The following PDE4D variants were observed in gnomAD, a reference collection of about 807,000 sequenced individuals.
The protein encoded by PDE4D is phosphodiesterase 4D, also known as 3',5'-cyclic-AMP phosphodiesterase 4D.
PDE4D carries 24 observed loss-of-function variants against 87.4 expected under a neutral mutation model. The ratio of observed to expected loss-of-function variants is 0.27; its 90% CI spans 0.20 to 0.39. The LOEUF (loss-of-function observed/expected upper bound fraction) is 0.39, where lower values mean the gene tolerates loss of function less well. PDE4D is among the 10% of genes least tolerant of loss of function. The pLI is 1.00. For missense variants in PDE4D, 714 were observed against 1,041.0 expected (o/e 0.69, Z 4.32); for synonymous variants, 384 against 383.2 (o/e 1.00, Z -0.02).
chr5:59,064,834 T>C (rs1334196101), intron 5 of PDE4D, among the ~76,000 whole-genome samples: 2 of 152,052 alleles, frequency 1.3e-5, no homozygotes, highest in East Asian at 3.9e-4. Flanking sequence ...TAGCCTGACT[T>C]CCAAAAGTAA....
chr5:60,019,649 C>T (rs905200995), intron 2 of PDE4D, among the ~76,000 whole-genome samples: 6 of 152,176 alleles, frequency 3.9e-5, no homozygotes, highest in African/African-American at 1.4e-4. Context: ...TTTTCTCCTT[C>T]AGCTTCCTCA....
At chr5:58,980,472 T>C (rs928061917) in intron 11 of PDE4D, among the ~76,000 whole-genome samples, 2 of 152,200 alleles carry the variant, frequency 1.3e-5, no homozygotes, top group African/African-American at 4.8e-5. Flanking sequence ...CACACATTTA[T>C]AAAGACAACT....
intron 1 of PDE4D, among the ~76,000 whole-genome samples, chr5:59,734,825 G>A (rs753352509): frequency 3.9e-5 from 6 of 152,146 alleles, no homozygotes; most frequent in Middle Eastern, 3.2e-3. Flanking sequence ...ACCTGAGTGA[G>A]TCCAGTCACG....
chr5:59,465,973 T>C (rs926442111), intron 1 of PDE4D, among the ~76,000 whole-genome samples: 1 of 152,220 alleles, frequency 6.6e-6, no homozygotes, highest in Non-Finnish European at 1.5e-5. Context: ...GTTTTGTTTT[T>C]TTAGAATTTT....
chr5:60,393,238 C>T (rs749196644), intron 1 of PDE4D, among the ~76,000 whole-genome samples: 5 of 152,130 alleles, frequency 3.3e-5, no homozygotes, highest in African/African-American at 4.8e-5. Flanking sequence ...TGTCACACAT[C>T]GGAACAACTT....
At chr5:59,324,860 T>G (rs1331924606) in intron 1 of PDE4D, among the ~76,000 whole-genome samples, 1 of 152,124 alleles carries the variant, frequency 6.6e-6, no homozygotes. Context: ...TACTGATTAT[T>G]AATGAGAATT....
At chr5:59,433,670 TTTTG>T (rs1342784433) in intron 1 of PDE4D, among the ~76,000 whole-genome samples, 4 of 152,122 alleles carry the variant, frequency 2.6e-5, no homozygotes, top group African/African-American at 9.6e-5. Flanking sequence ...CCCATCTATG[TTTTG>T]TTTGTTTTTG....
chr5:59,836,597 C>A (rs1341489230), intron 1 of PDE4D, among the ~76,000 whole-genome samples: 2 of 145,800 alleles, frequency 1.4e-5, no homozygotes, highest in Non-Finnish European at 3.0e-5. Context: ...ACTACTTTTT[C>A]TGTCTTACCA....
intron 5 of PDE4D, among the ~76,000 whole-genome samples, chr5:59,055,032 A>G (rs2153407145): frequency 6.6e-6 from 1 of 152,298 alleles, no homozygotes; most frequent in African/African-American, 2.4e-5. Flanking sequence ...AGGGTACTAC[A>G]AGTTTACCAA....
At chr5:59,445,179 T>C (rs543775978) in intron 1 of PDE4D, among the ~76,000 whole-genome samples, 5 of 152,220 alleles carry the variant, frequency 3.3e-5, no homozygotes, top group Non-Finnish European at 7.3e-5. Flanking sequence ...TCATTTGTTA[T>C]GTATCAAAAA....
intron 5 of PDE4D, among the ~76,000 whole-genome samples, chr5:59,049,590 T>C (rs934458066): frequency 6.6e-6 from 1 of 152,170 alleles, no homozygotes; most frequent in African/African-American, 2.4e-5. Context: ...TTTAAAAGAA[T>C]TCACCAATAC....
At chr5:59,951,671 G>A (rs994586174) in intron 3 of PDE4D, among the ~76,000 whole-genome samples, 26 of 152,146 alleles carry the variant, frequency 1.7e-4, no homozygotes, top group African/African-American at 6.0e-4. Flanking sequence ...AAGTTTTTCT[G>A]AAAGCAGATG....
intron 1 of PDE4D, among the ~76,000 whole-genome samples, chr5:60,254,610 A>T (rs139756797): frequency 4.3e-4 from 66 of 152,040 alleles, no homozygotes; most frequent in African/African-American, 1.4e-3. Context: ...TTTCAAAATC[A>T]TCTAGGTAAA....
chr5:59,499,931 T>C (rs1582879773), intron 1 of PDE4D, among the ~76,000 whole-genome samples: 1 of 150,118 alleles, frequency 6.7e-6, no homozygotes, highest in South Asian at 2.1e-4. Flanking sequence ...AAAACCAGTA[T>C]CTTTCTGATA....
intron 1 of PDE4D, among the ~76,000 whole-genome samples, chr5:60,296,114 A>G (rs1753358126): frequency 6.6e-6 from 1 of 152,078 alleles, no homozygotes; most frequent in African/African-American, 2.4e-5. Flanking sequence ...AGAGGCCTCA[A>G]CTCCTAATAC....
intron 1 of PDE4D, among the ~76,000 whole-genome samples, chr5:60,363,892 G>C (rs891170128): frequency 1.3e-5 from 2 of 152,224 alleles, no homozygotes; most frequent in African/African-American, 4.8e-5. Context: ...TGTAATTCAA[G>C]AGCTTCAGTA....
chr5:59,023,949 C>T (rs1156841678), intron 6 of PDE4D, among the ~76,000 whole-genome samples: 1 of 147,124 alleles, frequency 6.8e-6, no homozygotes, highest in East Asian at 2.0e-4. Flanking sequence ...GTCGCCCAGA[C>T]TGGAGTGCAG....
chr5:59,389,577 T>A (rs1562087553), intron 1 of PDE4D, among the ~76,000 whole-genome samples: 2 of 152,024 alleles, frequency 1.3e-5, no homozygotes, highest in Non-Finnish European at 2.9e-5. Context: ...TATCATATGA[T>A]CCAGCAATCC....
intron 1 of PDE4D, among the ~76,000 whole-genome samples, chr5:59,228,483 G>C (rs774761680): frequency 6.6e-5 from 10 of 151,192 alleles, no homozygotes; most frequent in Non-Finnish European, 1.3e-4. Context: ...CCAAGGTAGT[G>C]TTGCGGGGTG....
Sources: gnomAD v4.1 joint callset for allele counts (sites outside exome capture counted in the v4.1 genomes callset) on GRCh38, gnomAD v4.1.1 for gene constraint, MANE v1.5 for transcripts, NCBI Gene and HGNC (gene_info 2026-07-23, HGNC 2026-07-21) for gene names.